Variants in SHCBP1L observed in about 807,000 individuals in gnomAD.
SHCBP1L encodes testicular spindle-associated protein SHCBP1L.
In SHCBP1L, 67 loss-of-function variants were observed where a neutral mutation model predicts 62.5. The observed-to-expected ratio is 1.07, with a 90% CI of 0.88 to 1.31. The LOEUF is 1.31. Among genes scored for constraint, SHCBP1L ranks in the 40% most tolerant of loss-of-function variants. The pLI is 0.00. For synonymous variants in SHCBP1L, 284 were observed against 289.4 expected (o/e 0.98, Z 0.19); for missense variants, 823 against 809.8 (o/e 1.02, Z -0.20).
chr1:182,904,079 C>A (rs41272528), intron 8 of SHCBP1L, 101 bp downstream of exon 8: 263 of 1,403,528 alleles, frequency 1.9e-4, no homozygotes, highest in Non-Finnish European at 2.2e-4. Flanking sequence ...TAGAATTCCA[C>A]TAAAAGATGA....
At chr1:182,903,808 T>A (rs1283386672) in intron 8 of SHCBP1L, among the ~76,000 whole-genome samples, 1 of 152,158 alleles carries the variant, frequency 6.6e-6, no homozygotes, top group African/African-American at 2.4e-5. Context: ...GTTTTTTATG[T>A]CCTGATTATT....
In SHCBP1L at chr1:182,903,090, G is replaced by A. The variant is rs143142615; in HGVS notation, c.1659C>T (p.Asn553=). The A allele has an allele frequency of 1.2e-6, 2 of 1,601,210 alleles. No individual in the cohort carries two copies. The highest frequency in any genetic ancestry group is 1.7e-6 in the Non-Finnish European group (2 of 1,173,300). ...TTTTTGAACTGTTACTGGTTCTGAG[G>A]TTATTACAGTGATGAATTTCATTTC... ...LERNEIHHCN[N]LRTSNSSKST... Residue 553 remains asparagine (N), a synonymous_variant, in exon 9 of 10, where the codon AAC becomes AAT. Transcript: ENST00000367547.
At chr1:182,946,921 A>C (rs1009016622) in intron 2 of SHCBP1L, among the ~76,000 whole-genome samples, 1 of 152,078 alleles carries the variant, frequency 6.6e-6, no homozygotes, top group African/African-American at 2.4e-5. Flanking sequence ...CTAGTACCCC[A>C]TCTAGAATAT....
intron 6 of SHCBP1L, among the ~76,000 whole-genome samples, chr1:182,915,465 T>G (rs1255125852): frequency 3.3e-5 from 5 of 152,102 alleles, no homozygotes; most frequent in African/African-American, 4.8e-5. Flanking sequence ...AGAATTGAAG[T>G]AAGAAATAGT....
chr1:182,945,649 A>G (rs1651539246), intron 2 of SHCBP1L, among the ~76,000 whole-genome samples: 1 of 152,178 alleles, frequency 6.6e-6, no homozygotes, highest in South Asian at 2.1e-4. Context: ...TTGAAAATGT[A>G]TTTTTTCTAC....
rs781007366 is a variant in SHCBP1L, at chr1:182,939,452, A to G, written c.857+15T>C. Reference sequence around the variant, plus strand: ...TTTTTCTAATGTGCGGTATAAGTTTATAAACTATACTTACAAATTAATTCT... The same window carrying G: ...TTTTTCTAATGTGCGGTATAAGTTTGTAAACTATACTTACAAATTAATTCT... On this transcript the variant is annotated intron_variant, in intron 4 of 9. Coordinates refer to ENST00000367547, the MANE Select transcript of SHCBP1L (RefSeq NM_030933.4). 7 of 1,603,350 alleles carry G rather than the reference A, an allele frequency of 4.4e-6. No individual in the cohort carries two copies. Among genetic ancestry groups the G allele is most frequent in the Non-Finnish European group, 6.0e-6 (7 of 1,175,442 alleles).
intron 5 of SHCBP1L, among the ~76,000 whole-genome samples, chr1:182,933,253 C>T (rs1383878167): frequency 6.6e-6 from 1 of 151,514 alleles, no homozygotes; most frequent in Admixed American, 6.6e-5. Flanking sequence ...ATAGGATTTT[C>T]TATATACAAG....
chr1:182,949,160 T>C (rs1161118534), intron 2 of SHCBP1L, among the ~76,000 whole-genome samples: 1 of 152,018 alleles, frequency 6.6e-6, no homozygotes, highest in African/African-American at 2.4e-5. Flanking sequence ...GTATAGGGGC[T>C]ATCATGAGGT....
intron 6 of SHCBP1L, among the ~76,000 whole-genome samples, chr1:182,927,394 C>T (rs1187621578): frequency 6.6e-6 from 1 of 151,928 alleles, no homozygotes; most frequent in East Asian, 1.9e-4. Context: ...GCACAGCAGC[C>T]GGGCGCGGTG....
intron 1 of SHCBP1L, 54 bp downstream of exon 1, chr1:182,952,674 TC>T: frequency 6.5e-7 from 1 of 1,532,696 alleles, no homozygotes; most frequent in South Asian, 1.3e-5. Context: ...CAGATGCCTG[TC>T]CCCAGGTTCC....
intron 2 of SHCBP1L, among the ~76,000 whole-genome samples, chr1:182,944,988 CCTTT>C (rs1290281981): frequency 8.6e-4 from 107 of 124,790 alleles, no homozygotes; most frequent in African/African-American, 3.0e-3. Context: ...TGAGACGGAG[CCTTT>C]CTTTGTCACC....
intron 5 of SHCBP1L, among the ~76,000 whole-genome samples, chr1:182,931,672 C>T (rs188553957): frequency 1.8e-4 from 28 of 152,222 alleles, no homozygotes; most frequent in African/African-American, 6.3e-4. Flanking sequence ...TCCTGTGTAT[C>T]CCTTGTTCCC....
chr1:182,904,354 AT>A lies in SHCBP1L; in HGVS notation c.1412del (p.Asn471MetfsTer2), dbSNP rs760275353. 3.7e-6 allele frequency: 6 copies of A among 1,614,172 alleles called. No homozygotes were observed. The highest frequency in any genetic ancestry group is 1.6e-4 in the Middle Eastern group (1 of 6,062). ...RDSFVVSKADNVKLMHLSLIQ... is the reference protein window; with the variant it reads ...RDSFVVSKADXVKLMHLSLIQ... ...TCAAAGATAGATGCATTAGTTTCAC[AT>A]TGTCAGCTTTGGACACCACAAAACT... On this transcript the variant is annotated frameshift_variant, in exon 8 of 10. Coordinates refer to ENST00000367547, the MANE Select transcript of SHCBP1L (RefSeq NM_030933.4). LOFTEE classifies it high-confidence loss of function.
At chr1:182,904,480 G>A in intron 7 of SHCBP1L, 50 bp from the exon 8 acceptor site, 1 of 1,596,116 alleles carries the variant, frequency 6.3e-7, no homozygotes, top group African/African-American at 1.3e-5. Context: ...CCCATTTTAA[G>A]GCCCTTTATT....
intron 6 of SHCBP1L, among the ~76,000 whole-genome samples, chr1:182,927,089 TA>T: frequency 3.3e-5 from 1 of 30,514 alleles, no homozygotes; most frequent in African/African-American, 1.8e-4. Context: ...TATATATATA[TA>T]TATATATATA....
chr1:182,931,193 T>C (rs1208609908), intron 5 of SHCBP1L, among the ~76,000 whole-genome samples: 1 of 152,116 alleles, frequency 6.6e-6, no homozygotes, highest in Non-Finnish European at 1.5e-5. Flanking sequence ...TCAGCATTTT[T>C]ATATCTATTT....
At chr1:182,913,397 G>T (rs1233356502) in intron 6 of SHCBP1L, among the ~76,000 whole-genome samples, 1 of 152,136 alleles carries the variant, frequency 6.6e-6, no homozygotes, top group Non-Finnish European at 1.5e-5. Flanking sequence ...CCCAGTTGGG[G>T]TCTGCTGGAG....
At chr1:182,941,002 C>T (rs1046005122) in intron 2 of SHCBP1L, among the ~76,000 whole-genome samples, 42 of 152,192 alleles carry the variant, frequency 2.8e-4, no homozygotes, top group African/African-American at 1.0e-3. Context: ...CAGGAACATG[C>T]CACTGTGCCC....
chr1:182,903,436 C>T (rs1162228549), intron 8 of SHCBP1L, among the ~76,000 whole-genome samples: 3 of 152,084 alleles, frequency 2.0e-5, no homozygotes, highest in Non-Finnish European at 2.9e-5. Context: ...GAAAGGAGTC[C>T]ACTCTTTAAG....
Sources: gnomAD v4.1 joint callset for allele counts (sites outside exome capture counted in the v4.1 genomes callset) on GRCh38, gnomAD v4.1.1 for gene constraint, MANE v1.5 for transcripts, NCBI Gene and HGNC (gene_info 2026-07-23, HGNC 2026-07-21) for gene names.